Variants in CSNK1G1 observed in about 807,000 individuals in gnomAD.
CSNK1G1 encodes casein kinase 1 gamma 1, also known as casein kinase I isoform gamma-1.
In CSNK1G1, 22 loss-of-function variants were observed where a neutral mutation model predicts 59.6. The ratio of observed to expected loss-of-function variants is 0.37; its 90% CI spans 0.26 to 0.53. The LOEUF is 0.53. Ranked by LOEUF, CSNK1G1 falls within the 20% of genes least tolerant of loss-of-function variation. The pLI is 0.89. For missense variants in CSNK1G1, 384 were observed against 519.5 expected (o/e 0.74, Z 2.54); for synonymous variants, 179 against 177.1 (o/e 1.01, Z -0.08).
At chr15:64,238,493 T>C (rs1211577585) in intron 4 of CSNK1G1, among the ~76,000 whole-genome samples, 1 of 49,760 alleles carries the variant, frequency 2.0e-5, no homozygotes, top group Non-Finnish European at 3.1e-5. Context: ...ACCCTGTCCC[T>C]TAAAAAAAAA....
intron 1 of CSNK1G1, among the ~76,000 whole-genome samples, chr15:64,318,869 C>T (rs1332802633): frequency 6.6e-6 from 1 of 152,040 alleles, no homozygotes; most frequent in Non-Finnish European, 1.5e-5. Flanking sequence ...TCTCAGCCTC[C>T]CAAAGTGCTG....
Position 64,302,203 on chromosome 15 carries a change from G to A in CSNK1G1, c.-224-1480C>T, listed in dbSNP as rs935242003. Among the ~76,000 whole-genome samples, 5 of 152,140 alleles carry A rather than the reference G, an allele frequency of 3.3e-5. No homozygotes were observed. In the South Asian group the frequency reaches 6.2e-4, roughly 19 times the overall value. ...CAACCTCTGCCTCCCAGGTTCACGC[G>A]ATTCTCCTGCCTCAGCCTCCCAAGT... On this transcript the variant is annotated intron_variant, in intron 1 of 11. Coordinates refer to ENST00000303052, the MANE Select transcript of CSNK1G1 (RefSeq NM_022048.5).
In CSNK1G1 at chr15:64,300,489, G is replaced by A; in HGVS notation, c.11C>T (p.Pro4Leu). The change falls in exon 2 of 12, where the codon CCT (proline) becomes CTT (leucine). Residue 4 changes from proline to leucine, a missense_variant. This residue lies in a region of CSNK1G1 where 56 missense variants were observed against 60.8 expected (regional missense o/e 0.92). Coordinates refer to ENST00000303052, the MANE Select transcript of CSNK1G1 (RefSeq NM_022048.5). MDHPSREKDERQRT... is the reference protein window; with the variant it reads MDHLSREKDERQRT... The stretch of plus-strand genomic sequence containing the variant: ...TTGTCTTTCATCCTTTTCCCTACTA[G>A]GATGGTCCATGATCCTACAGGACAG... 1 of 1,614,106 alleles carries A rather than the reference G, an allele frequency of 6.2e-7. No homozygotes were observed. Among genetic ancestry groups the A allele is most frequent in the Non-Finnish European group, 8.5e-7 (1 of 1,179,992 alleles).
Position 64,207,635 on chromosome 15 carries a change from T to A in CSNK1G1, c.680-41A>T, listed in dbSNP as rs770960179. 14 of 1,520,542 alleles carry A rather than the reference T, an allele frequency of 9.2e-6. No homozygotes were observed. The Admixed American group carries it at 2.2e-4, about 24-fold the overall frequency. 94.2% of individuals were successfully genotyped at this position (1,520,542 alleles called of 1,614,324 possible). ...GATCACACATTATGTTTGCAGTTAT[T>A]AAAGCAGAAAGAGGTTCAAAACCAA... On this transcript the variant is annotated intron_variant, in intron 6 of 11. Coordinates refer to ENST00000303052, the MANE Select transcript of CSNK1G1 (RefSeq NM_022048.5).
chr15:64,241,109 T>TATAG (rs1485382599), intron 4 of CSNK1G1, among the ~76,000 whole-genome samples: 13 of 152,238 alleles, frequency 8.5e-5, no homozygotes, highest in African/African-American at 3.1e-4. Context: ...GACCCAACTA[T>TATAG]ATACTGCCTA....
At chr15:64,213,689 A>G (rs1019257189) in intron 6 of CSNK1G1, among the ~76,000 whole-genome samples, 4 of 152,258 alleles carry the variant, frequency 2.6e-5, no homozygotes, top group African/African-American at 9.6e-5. Context: ...AACAGTGTAA[A>G]GAATTAAGAA....
At chr15:64,204,353 G>C (rs1200228287) in intron 9 of CSNK1G1, 88 bp downstream of exon 9, 16 of 1,089,450 alleles carry the variant, frequency 1.5e-5, no homozygotes, top group Non-Finnish European at 6.4e-6. Context: ...GATTCAAGCA[G>C]AAAGACTGGC....
chr15:64,342,825 T>C (rs1035976319), intron 1 of CSNK1G1: 1 of 152,236 alleles, frequency 6.6e-6, no homozygotes, highest in African/African-American at 2.4e-5. Context: ...TCCCAAACTT[T>C]GAGTGTACAT....
At position 64,343,238 on chromosome 15, in the gene CSNK1G1, T is replaced by A. The variant is rs552650609; in HGVS notation, c.-225+12750A>T. Among the ~76,000 whole-genome samples, 11 of 7,254 alleles carry A rather than the reference T, an allele frequency of 1.5e-3. No homozygotes were observed. In the East Asian group the frequency reaches 0.043, roughly 28 times the overall value. 4.8% of individuals were successfully genotyped at this position (7,254 alleles called of 152,430 possible). ...ACACACACACACACACACACACACC[T>A]CTTCTAAAATAGACCCCATTCTGCC... On this transcript the variant is annotated intron_variant, in intron 1 of 11. Coordinates refer to ENST00000303052, the MANE Select transcript of CSNK1G1 (RefSeq NM_022048.5).
Position 64,171,910 on chromosome 15 carries a change from A to C in CSNK1G1, c.*21T>G. 6.3e-7 allele frequency: 1 copy of C among 1,599,640 alleles called. No individual in the cohort carries two copies. Among genetic ancestry groups the C allele is most frequent in the Non-Finnish European group, 8.6e-7 (1 of 1,166,666 alleles). On this transcript the variant is annotated 3_prime_UTR_variant, in exon 12 of 12. Transcript: ENST00000303052. This position sits in a 1 kb window ranked among gnomAD's most constrained non-coding sequence, Gnocchi z 4.8. The stretch of plus-strand genomic sequence containing the variant: ...ATTGAGTCAGAGTCCCCAGGGCCTG[A>C]GGACTCCTGGGAGGCACTGGTCACT...
chr15:64,298,086 A>C (rs1895124884), intron 2 of CSNK1G1, among the ~76,000 whole-genome samples: 1 of 152,222 alleles, frequency 6.6e-6, no homozygotes, highest in Non-Finnish European at 1.5e-5. Flanking sequence ...CATCAAAATT[A>C]TCTCAGATTC....
At chr15:64,287,373 T>C (rs4262894) in intron 2 of CSNK1G1, among the ~76,000 whole-genome samples, 7,250 of 152,294 alleles carry the variant, frequency 0.048, 179 homozygotes, top group South Asian at 0.079. Flanking sequence ...ACCATTCTTG[T>C]CTCATTCTAA....
chr15:64,324,459 T>C (rs1262972488), intron 1 of CSNK1G1, among the ~76,000 whole-genome samples: 1 of 152,210 alleles, frequency 6.6e-6, no homozygotes, highest in Non-Finnish European at 1.5e-5. Context: ...CTATCTCCCA[T>C]GCTGGATGCT....
At chr15:64,253,223 T>C (rs2140321158) in intron 3 of CSNK1G1, among the ~76,000 whole-genome samples, 1 of 152,184 alleles carries the variant, frequency 6.6e-6, no homozygotes, top group South Asian at 2.1e-4. Flanking sequence ...CACGCTCCTG[T>C]AGTCCCAGCT....
intron 2 of CSNK1G1, among the ~76,000 whole-genome samples, chr15:64,295,332 C>T (rs1894964235): frequency 6.6e-6 from 1 of 152,184 alleles, no homozygotes; most frequent in African/African-American, 2.4e-5. Flanking sequence ...AAAAAATTTG[C>T]AGCTTCCGGC....
Position 64,166,081 on chromosome 15 carries a change from C to G in CSNK1G1, c.*5850G>C, listed in dbSNP as rs1186092. Reference sequence around the variant, plus strand: ...CCAGGGTTTATGAAACATTATACATCTAAAAAAAAAAAAAGTAAAAAAAGA... The same window carrying G: ...CCAGGGTTTATGAAACATTATACATGTAAAAAAAAAAAAAGTAAAAAAAGA... On this transcript the variant is annotated 3_prime_UTR_variant, in exon 12 of 12. Coordinates refer to ENST00000303052, the MANE Select transcript of CSNK1G1 (RefSeq NM_022048.5). The surrounding 1 kb of genome is among the most constrained non-coding windows in gnomAD (Gnocchi z 4.5). 3.4e-6 allele frequency: 2 copies of G among 591,482 alleles called. No individual in the cohort carries two copies. The highest frequency in any genetic ancestry group is 5.9e-6 in the Non-Finnish European group (2 of 338,976). The allele number at this position is 591,482 out of a possible 1,614,324, so 36.6% of individuals were successfully genotyped here. A position where few individuals can be genotyped will look rare whatever the true frequency, so the allele number is the denominator to read the frequency against.
chr15:64,305,625 G>A (rs1472449168), intron 1 of CSNK1G1, among the ~76,000 whole-genome samples: 1 of 151,360 alleles, frequency 6.6e-6, no homozygotes, highest in African/African-American at 2.4e-5. Context: ...AGGCAGAACT[G>A]GGAGGATTGT....
intron 2 of CSNK1G1, among the ~76,000 whole-genome samples, chr15:64,289,471 G>A (rs962585661): frequency 2.6e-5 from 4 of 152,156 alleles, no homozygotes; most frequent in African/African-American, 9.7e-5. Context: ...AAACTAGGGT[G>A]TAATTCCAAA....
At chr15:64,354,791 A>C (rs1898548755) in intron 1 of CSNK1G1, among the ~76,000 whole-genome samples, 2 of 152,234 alleles carry the variant, frequency 1.3e-5, no homozygotes, top group African/African-American at 2.4e-5. Flanking sequence ...TTATGAAGAA[A>C]CAAAAGCTCT....
Sources: allele counts gnomAD v4.1 joint callset (sites outside exome capture counted in the v4.1 genomes callset), GRCh38; gene constraint gnomAD v4.1.1; regional missense constraint gnomAD v4.1.1; non-coding constraint Gnocchi (gnomAD v3.1); transcripts MANE v1.5; gene names NCBI Gene and HGNC (gene_info 2026-07-23, HGNC 2026-07-21).